The following SLC4A5 variants were observed in gnomAD, a reference collection of about 807,000 sequenced individuals.
SLC4A5 encodes electrogenic sodium bicarbonate cotransporter 4.
A neutral mutation model predicts 120.4 loss-of-function variants in SLC4A5; 96 were observed. That is an observed-to-expected ratio of 0.80 (90% confidence interval 0.68 to 0.94). The LOEUF (loss-of-function observed/expected upper bound fraction) is 0.94. Among genes scored for constraint, SLC4A5 ranks in the 40% least tolerant of loss-of-function variants. SLC4A5 has a pLI of 0.00. For missense variants in SLC4A5, 1,259 were observed against 1,459.5 expected (o/e 0.86, Z 2.24); for synonymous variants, 550 against 571.1 (o/e 0.96, Z 0.53).
chr2:74,247,283 C>A, exon 19 of SLC4A5: 2 of 1,613,982 alleles, frequency 1.2e-6, no homozygotes, highest in South Asian at 2.2e-5. Flanking sequence ...AGAGGCGGAA[C>A]TCCATGTAGT....
intron 7 of SLC4A5, chr2:74,290,622 TGAGAGAGAGAGAGAGA>T: frequency 1.1e-6 from 1 of 883,132 alleles, no homozygotes; most frequent in Non-Finnish European, 1.3e-6. Flanking sequence ...GACAGAGAAG[TGAGAGAGAGAGAGAGA>T]GAGAGAGAGA....
rs368818383 is a variant in SLC4A5, at chr2:74,303,119, T to C, written c.271+1370A>G. 1.7e-3 allele frequency among the ~76,000 whole-genome samples: 259 copies of C among 149,230 alleles called. 1 individual carries two copies. The highest frequency in any genetic ancestry group is 3.1e-3 in the African/African-American group (128 of 40,804). On this transcript the variant is annotated intron_variant, in intron 7 of 30. Coordinates refer to ENST00000394019, the Ensembl canonical transcript of SLC4A5. ...CCTGTGCATGTGGTGTGTGTGTGCGTGTGTGTGTGTGTGTGTGTTGTATTT... is the reference window on the plus strand; with the variant it reads ...CCTGTGCATGTGGTGTGTGTGTGCGCGTGTGTGTGTGTGTGTGTTGTATTT...
intron 2 of SLC4A5, among the ~76,000 whole-genome samples, chr2:74,341,519 C>G (rs987108406): frequency 1.1e-4 from 16 of 152,296 alleles, no homozygotes; most frequent in African/African-American, 3.6e-4. Context: ...TAACCCCACA[C>G]TGTTCCCACA....
At chr2:74,337,279 G>A (rs1287129595) in intron 3 of SLC4A5, among the ~76,000 whole-genome samples, 1 of 152,134 alleles carries the variant, frequency 6.6e-6, no homozygotes, top group Non-Finnish European at 1.5e-5. Flanking sequence ...TGAAGAGGTG[G>A]AGAGAGACTT....
At chr2:74,242,650 C>T (rs1437605112) in intron 19 of SLC4A5, among the ~76,000 whole-genome samples, 1 of 152,172 alleles carries the variant, frequency 6.6e-6, no homozygotes, top group Non-Finnish European at 1.5e-5. Context: ...CTGCCCTGTT[C>T]ACCTCCACAG....
intron 6 of SLC4A5, chr2:74,306,786 T>A: frequency 1.3e-6 from 1 of 799,552 alleles, no homozygotes; most frequent in Non-Finnish European, 2.0e-6. Flanking sequence ...CACTATCCAG[T>A]GGGTAGTGTT....
At chr2:74,253,034 C>G in exon 15 of SLC4A5, 2 of 1,614,176 alleles carry the variant, frequency 1.2e-6, no homozygotes, top group Non-Finnish European at 1.7e-6. Flanking sequence ...GTCCCATTCT[C>G]CAGGAGGAAG....
At chr2:74,285,227 C>T (rs770458759) in intron 8 of SLC4A5, among the ~76,000 whole-genome samples, 38 of 152,070 alleles carry the variant, frequency 2.5e-4, no homozygotes, top group Admixed American at 5.9e-4. Flanking sequence ...GAAGCCTGGG[C>T]GACATAATGA....
At chr2:74,262,932 G>C (rs886301952) in intron 10 of SLC4A5, among the ~76,000 whole-genome samples, 6 of 152,214 alleles carry the variant, frequency 3.9e-5, no homozygotes, top group Non-Finnish European at 7.3e-5. Context: ...ATTTTTGTGA[G>C]GATGAAGTGA....
chr2:74,328,079 GCT>G (rs1382595493), intron 5 of SLC4A5, 39 bp downstream of exon 5: 1 of 966,060 alleles, frequency 1.0e-6, no homozygotes, highest in African/African-American at 1.8e-5. Flanking sequence ...TATCTGCATA[GCT>G]CTGTCTACTT....
chr2:74,257,388 G>A (rs1671001415), intron 12 of SLC4A5, among the ~76,000 whole-genome samples: 1 of 152,100 alleles, frequency 6.6e-6, no homozygotes, highest in Non-Finnish European at 1.5e-5. Context: ...GGCATGGTCA[G>A]CTGATTACTA....
At chr2:74,265,435 A>T (rs1040375558) in intron 8 of SLC4A5, among the ~76,000 whole-genome samples, 171 bp from the exon 9 acceptor site, 2 of 151,822 alleles carry the variant, frequency 1.3e-5, no homozygotes, top group Non-Finnish European at 2.9e-5. Context: ...TTTGTCCCCC[A>T]CTCCTCCTGA....
At chr2:74,234,986 A>C in intron 22 of SLC4A5, 115 bp downstream of exon 22, 1 of 794,106 alleles carries the variant, frequency 1.3e-6, no homozygotes, top group Non-Finnish European at 2.0e-6. Context: ...CACACAGAGA[A>C]CTAAAATGGT....
At chr2:74,243,462 C>T (rs185936021) in intron 19 of SLC4A5, among the ~76,000 whole-genome samples, 4 of 152,288 alleles carry the variant, frequency 2.6e-5, no homozygotes, top group Non-Finnish European at 5.9e-5. Flanking sequence ...TCTACCAACC[C>T]AGAGGTTTGT....
At chr2:74,259,787 G>C (rs766288615) in intron 11 of SLC4A5, 144 bp from the exon 12 acceptor site, 1 of 731,956 alleles carries the variant, frequency 1.4e-6, no homozygotes, top group South Asian at 1.6e-5. Flanking sequence ...CCTTAAACTA[G>C]CATCCTCTCA....
intron 8 of SLC4A5, among the ~76,000 whole-genome samples, chr2:74,285,080 C>T (rs1320619958): frequency 2.0e-5 from 3 of 152,042 alleles, no homozygotes; most frequent in African/African-American, 7.2e-5. Flanking sequence ...CTTATCACTA[C>T]AAAAAATAAA....
chr2:74,224,129 C>T (rs552035973), intron 28 of SLC4A5, among the ~76,000 whole-genome samples: 2 of 152,314 alleles, frequency 1.3e-5, no homozygotes, highest in South Asian at 2.1e-4. Flanking sequence ...GGGACAGTTT[C>T]ATCATAAGTA....
chr2:74,238,318 C>T (rs1488104166), intron 21 of SLC4A5, among the ~76,000 whole-genome samples: 1 of 152,066 alleles, frequency 6.6e-6, no homozygotes, highest in African/African-American at 2.4e-5. Flanking sequence ...GTTAATTCTT[C>T]CCAAACAGAG....
At chr2:74,311,839 T>G (rs1672813517) in intron 6 of SLC4A5, among the ~76,000 whole-genome samples, 1 of 152,134 alleles carries the variant, frequency 6.6e-6, no homozygotes, top group Non-Finnish European at 1.5e-5. Flanking sequence ...ATGCTGTTCC[T>G]TTCAACTATA....
Sources: allele counts gnomAD v4.1 joint callset (sites outside exome capture counted in the v4.1 genomes callset), GRCh38; gene constraint gnomAD v4.1.1; transcripts MANE v1.5; gene names NCBI Gene and HGNC (gene_info 2026-07-23, HGNC 2026-07-21).